LRRC55: variants seen among roughly 807,000 people sequenced by gnomAD.
The protein encoded by LRRC55 is leucine rich repeat containing 55.
LRRC55 carries 11 observed loss-of-function variants against 20.5 expected under a neutral mutation model. The observed-to-expected ratio is 0.54, with a 90% CI of 0.34 to 0.89. The LOEUF (loss-of-function observed/expected upper bound fraction) is 0.89, where lower values mean the gene tolerates loss of function less well. Ranked by LOEUF, LRRC55 falls within the 40% of genes least tolerant of loss-of-function variation. LRRC55 has a pLI of 0.02. For synonymous variants in LRRC55, 188 were observed against 166.6 expected, an observed-to-expected ratio of 1.13 and a Z score of -0.99; for missense variants, 358 against 390.9, an observed-to-expected ratio of 0.92 and a Z score of 0.71.
rs1565181064 is a variant in LRRC55, at chr11:57,187,758, C to G, written c.*278C>G. On this transcript the variant is annotated 3_prime_UTR_variant, in exon 2 of 2. Transcript: ENST00000497933. Reference sequence around the variant, plus strand: ...AACTATTCCCTTTAAGACTATATGTCAGGACTCTGAGCACGTCATTATGGA... The same window carrying G: ...AACTATTCCCTTTAAGACTATATGTGAGGACTCTGAGCACGTCATTATGGA... 1 of 516,374 alleles carries G rather than the reference C, an allele frequency of 1.9e-6. No homozygotes were observed. Among genetic ancestry groups the G allele is most frequent in the East Asian group, 3.5e-5 (1 of 28,696 alleles). The allele number at this position is 516,374 out of a possible 1,614,324, so 32.0% of individuals were successfully genotyped here. A position where few individuals can be genotyped will look rare whatever the true frequency, so the allele number is the denominator to read the frequency against.
chr11:57,187,719 G>C lies in LRRC55; in HGVS notation c.*239G>C. 1.7e-6 allele frequency: 1 copy of C among 591,218 alleles called. No individual in the cohort carries two copies. The highest frequency in any genetic ancestry group is 2.1e-5 in the South Asian group (1 of 47,322). 36.6% of individuals were successfully genotyped at this position (591,218 alleles called of 1,614,324 possible). On this transcript the variant is annotated 3_prime_UTR_variant, in exon 2 of 2. Coordinates refer to ENST00000497933, the MANE Select transcript of LRRC55 (RefSeq NM_001005210.4). Reference sequence around the variant, plus strand: ...CTCAAGGCACTTCCCTCTGGTCAAGGAGAGAGATCCAAAAACTATTCCCTT... The same window carrying C: ...CTCAAGGCACTTCCCTCTGGTCAAGCAGAGAGATCCAAAAACTATTCCCTT...
rs756767592 is a variant in LRRC55, at chr11:57,182,465, C to A, written c.443C>A (p.Pro148His). The A allele has an allele frequency of 6.2e-7, 1 of 1,610,972 alleles. No homozygotes were observed. The highest frequency in any genetic ancestry group is 1.1e-5 in the South Asian group (1 of 91,054). Residue 148 changes from proline to histidine, a missense_variant, in exon 1 of 2, where the codon CCC becomes CAC. This residue lies in a region of LRRC55 where 178 missense variants were observed against 207.9 expected (regional missense o/e 0.86). Coordinates refer to ENST00000497933, the MANE Select transcript of LRRC55 (RefSeq NM_001005210.4). ...GLVHIDLSHNPWLRRVHPQAF... is the reference protein window; with the variant it reads ...GLVHIDLSHNHWLRRVHPQAF... ...GTCCACATCGACCTGAGCCACAACC[C>A]CTGGCTGCGGAGGGTGCATCCCCAG...
chr11:57,187,659 T>C lies in LRRC55; in HGVS notation c.*179T>C, dbSNP rs746684213. ...TTTGGGCCAGGCGGCACGCTAGGAA[T>C]TGGGAACATCAGATGAACTGACTCA... is the stretch of plus-strand genomic sequence containing the variant. On this transcript the variant is annotated 3_prime_UTR_variant, in exon 2 of 2. Transcript: ENST00000497933. 213 of 662,758 alleles carry C rather than the reference T, an allele frequency of 3.2e-4. No individual in the cohort carries two copies. The highest frequency in any genetic ancestry group is 4.7e-4 in the Non-Finnish European group (178 of 377,038). 41.1% of individuals were successfully genotyped at this position (662,758 alleles called of 1,614,324 possible).
chr11:57,189,047 C>G lies in LRRC55; in HGVS notation c.*1567C>G, dbSNP rs1399482897. Reference sequence around the variant, plus strand: ...AAAGCACAATTATCATCATCGTGGTCTTCTTCATCAGTTTCGTCAGCAGCA... The same window carrying G: ...AAAGCACAATTATCATCATCGTGGTGTTCTTCATCAGTTTCGTCAGCAGCA... On this transcript the variant is annotated 3_prime_UTR_variant, in exon 2 of 2. Coordinates refer to ENST00000497933, the MANE Select transcript of LRRC55 (RefSeq NM_001005210.4). 1 of 151,910 alleles carries G rather than the reference C, an allele frequency of 6.6e-6. No homozygotes were observed. Among genetic ancestry groups the G allele is most frequent in the Non-Finnish European group, 1.5e-5 (1 of 67,938 alleles). 9.4% of individuals were successfully genotyped at this position (151,910 alleles called of 1,614,324 possible).
At chr11:57,183,865 G>A (rs1009876803) in intron 1 of LRRC55, among the ~76,000 whole-genome samples, 2 of 152,208 alleles carry the variant, frequency 1.3e-5, no homozygotes, top group Non-Finnish European at 2.9e-5. Context: ...CTGACCCAGA[G>A]GCAGGCAATG....
In LRRC55 at chr11:57,187,719, G is replaced by A. The variant is rs1854452746; in HGVS notation, c.*239G>A. 1 of 591,100 alleles carries A rather than the reference G, an allele frequency of 1.7e-6. No homozygotes were observed. Among genetic ancestry groups the A allele is most frequent in the Admixed American group, 3.1e-5 (1 of 32,380 alleles). The allele number at this position is 591,100 out of a possible 1,614,324, so 36.6% of individuals were successfully genotyped here. A position where few individuals can be genotyped will look rare whatever the true frequency, so the allele number is the denominator to read the frequency against. On this transcript the variant is annotated 3_prime_UTR_variant, in exon 2 of 2. Transcript: ENST00000497933. ...CTCAAGGCACTTCCCTCTGGTCAAG[G>A]AGAGAGATCCAAAAACTATTCCCTT...
Position 57,182,452 on chromosome 11 carries a change from C to A in LRRC55, c.430C>A (p.Leu144Met), listed in dbSNP as rs894956620. The change falls in exon 1 of 2, where the codon CTG becomes ATG. Residue 144 changes from leucine to methionine, a missense_variant. Leu to Met is a conservative substitution (Grantham distance 15, BLOSUM62 2). Transcript: ENST00000497933. ...GGCCCATGGGCTAGTCCACATCGAC[C>A]TGAGCCACAACCCCTGGCTGCGGAG... ...QEAHGLVHID[L>M]SHNPWLRRVH... The A allele has an allele frequency of 5.0e-6, 8 of 1,611,898 alleles. No individual in the cohort carries two copies. The highest frequency in any genetic ancestry group is 6.8e-6 in the Non-Finnish European group (8 of 1,179,850).
At chr11:57,186,946 G>C (rs1215097430) in intron 1 of LRRC55, among the ~76,000 whole-genome samples, 1 of 152,206 alleles carries the variant, frequency 6.6e-6, no homozygotes, top group Non-Finnish European at 1.5e-5. Flanking sequence ...CCAGAAACCA[G>C]TTGGGAGGTT....
At chr11:57,183,166 G>T (rs1051086595) in intron 1 of LRRC55, among the ~76,000 whole-genome samples, 1 of 152,172 alleles carries the variant, frequency 6.6e-6, no homozygotes, top group Admixed American at 6.5e-5. Context: ...ATTAAAAAGT[G>T]GCAGGACCAT....
chr11:57,187,519 C>T lies in LRRC55; in HGVS notation c.*39C>T. The T allele has an allele frequency of 6.4e-7, 1 of 1,572,918 alleles. No individual in the cohort carries two copies. The highest frequency in any genetic ancestry group is 8.7e-7 in the Non-Finnish European group (1 of 1,152,638). ...CATCCCTCCATGCTGCTGACCGCCACAGCTGCTGGCCACCAGACGCCCTCC... is the reference window on the plus strand; with the variant it reads ...CATCCCTCCATGCTGCTGACCGCCATAGCTGCTGGCCACCAGACGCCCTCC... On this transcript the variant is annotated 3_prime_UTR_variant, in exon 2 of 2. Transcript: ENST00000497933.
Position 57,187,387 on chromosome 11 carries a change from C to A in LRRC55, c.804C>A (p.Val268=), listed in dbSNP as rs1307357091. 2 of 1,614,224 alleles carry A rather than the reference C, an allele frequency of 1.2e-6. No homozygotes were observed. The highest frequency in any genetic ancestry group is 1.6e-4 in the Middle Eastern group (1 of 6,062). ...YLFIAFVGFV[V]SIASVATNFL... The stretch of plus-strand genomic sequence containing the variant: ...TCATTGCGTTCGTGGGCTTCGTGGT[C>A]TCCATTGCTTCTGTGGCCACCAACT... Residue 268 remains valine (V), a synonymous_variant, in exon 2 of 2, where the codon GTC becomes GTA. Coordinates refer to ENST00000497933, the MANE Select transcript of LRRC55 (RefSeq NM_001005210.4).
At position 57,182,085 on chromosome 11, in the gene LRRC55, C is replaced by G. The variant is rs200791505; in HGVS notation, c.63C>G (p.Ile21Met). The G allele has an allele frequency of 4.2e-5, 67 of 1,614,200 alleles. No homozygotes were observed. In the East Asian group the frequency reaches 9.4e-4, roughly 23 times the overall value. The change falls in exon 1 of 2, where the codon ATC becomes ATG. Residue 21 changes from isoleucine to methionine, a missense_variant. By Grantham distance (10) the Ile-to-Met change is conservative (BLOSUM62 1). This residue lies in a region of LRRC55 where 175 missense variants were observed against 164.5 expected (regional missense o/e 1.06). Coordinates refer to ENST00000497933, the MANE Select transcript of LRRC55 (RefSeq NM_001005210.4). The stretch of plus-strand genomic sequence containing the variant: ...CACCCCACCCAGCAATGCTGCTGAT[C>G]TCCCTCCTCTTGGCAGCCGGGTTGA... ...PGPPHPAMLL[I>M]SLLLAAGLMH...
chr11:57,186,143 A>G (rs1369928957), intron 1 of LRRC55, among the ~76,000 whole-genome samples: 2 of 152,208 alleles, frequency 1.3e-5, no homozygotes, highest in Non-Finnish European at 2.9e-5. Context: ...TAAATATCTT[A>G]CCTGTAATCA....
In LRRC55 at chr11:57,187,536, A is replaced by G. The variant is rs1224436444; in HGVS notation, c.*56A>G. ...GACCGCCACAGCTGCTGGCCACCAG[A>G]CGCCCTCCCTGACTGCTCACTCTGG... On this transcript the variant is annotated 3_prime_UTR_variant, in exon 2 of 2. Transcript: ENST00000497933. 1 of 1,509,024 alleles carries G rather than the reference A, an allele frequency of 6.6e-7. No individual in the cohort carries two copies. Among genetic ancestry groups the G allele is most frequent in the Non-Finnish European group, 9.1e-7 (1 of 1,103,666 alleles). 93.5% of individuals were successfully genotyped at this position (1,509,024 alleles called of 1,614,324 possible).
chr11:57,182,655 G>A lies in LRRC55; in HGVS notation c.633G>A (p.Leu211=), dbSNP rs1378475017. The change falls in exon 1 of 2, where the codon CTG becomes CTA. Residue 211 remains leucine (L), a synonymous_variant. Coordinates refer to ENST00000497933, the MANE Select transcript of LRRC55 (RefSeq NM_001005210.4). ...CCATGGAACCCCTGCTGAAGTGGCT[G>A]CGAAACCGGATCCAGCGCTGTACAG... ...GCTMEPLLKW[L]RNRIQRCTAD... is the part of the protein sequence containing the mutation. 1 of 1,514,574 alleles carries A rather than the reference G, an allele frequency of 6.6e-7. No individual in the cohort carries two copies. The highest frequency in any genetic ancestry group is 2.3e-5 in the East Asian group (1 of 43,926). 93.8% of individuals were successfully genotyped at this position (1,514,574 alleles called of 1,614,324 possible).
chr11:57,184,191 T>A (rs1358591136), intron 1 of LRRC55, among the ~76,000 whole-genome samples: 1 of 152,120 alleles, frequency 6.6e-6, no homozygotes, highest in Non-Finnish European at 1.5e-5. Flanking sequence ...AGTGGGAGGA[T>A]GCCTGGAGCA....
Position 57,182,177 on chromosome 11 carries a change from G to C in LRRC55, c.155G>C (p.Ser52Thr). ...CTCRNQVVDC[S>T]SQRLFSVPPD... ...TGCCGTAACCAGGTGGTGGATTGTAGCAGCCAGCGGCTATTCTCCGTGCCC... is the reference window on the plus strand; with the variant it reads ...TGCCGTAACCAGGTGGTGGATTGTACCAGCCAGCGGCTATTCTCCGTGCCC... The change falls in exon 1 of 2, where the codon AGC becomes ACC. Residue 52 changes from serine (S) to threonine (T), a missense_variant. Ser to Thr is a moderately conservative substitution (Grantham distance 58). Coordinates refer to ENST00000497933, the MANE Select transcript of LRRC55 (RefSeq NM_001005210.4). 6.2e-7 allele frequency: 1 copy of C among 1,614,180 alleles called. No homozygotes were observed. Among genetic ancestry groups the C allele is most frequent in the Middle Eastern group, 1.6e-4 (1 of 6,062 alleles).
chr11:57,185,538 G>T (rs1055637940), intron 1 of LRRC55, among the ~76,000 whole-genome samples: 3 of 151,546 alleles, frequency 2.0e-5, no homozygotes, highest in Non-Finnish European at 4.4e-5. Flanking sequence ...ACCCGCCTTG[G>T]CTTCCCAAAA....
chr11:57,187,258 T>G lies in LRRC55; in HGVS notation c.675T>G (p.Ala225=), dbSNP rs1854443508. The change falls in exon 2 of 2, where the codon GCT becomes GCG. Residue 225 remains alanine (A), a synonymous_variant. Transcript: ENST00000497933. ...IQRCTADSQL[A]ECRGPPEVEG... is the part of the protein sequence containing the mutation. ...TCTGTGTTACAGATTCTCAGCTGGC[T>G]GAGTGCCGGGGCCCTCCTGAAGTCG... 3 of 1,613,776 alleles carry G rather than the reference T, an allele frequency of 1.9e-6. No individual in the cohort carries two copies. The highest frequency in any genetic ancestry group is 2.5e-6 in the Non-Finnish European group (3 of 1,179,994).
Sources: gnomAD v4.1 joint callset for allele counts (sites outside exome capture counted in the v4.1 genomes callset) on GRCh38, gnomAD v4.1.1 for gene constraint, gnomAD v4.1.1 regional missense constraint, MANE v1.5 for transcripts, NCBI Gene and HGNC (gene_info 2026-07-23, HGNC 2026-07-21) for gene names.